DLG2: variants seen among roughly 807,000 people sequenced by gnomAD.
The protein encoded by DLG2 is disks large homolog 2.
DLG2 carries 45 observed loss-of-function variants against 132.5 expected under a neutral mutation model. The ratio of observed to expected loss-of-function variants is 0.34; its 90% CI spans 0.27 to 0.44. The LOEUF (loss-of-function observed/expected upper bound fraction) is 0.44. DLG2 is among the 20% of genes least tolerant of loss of function. The pLI, the probability that DLG2 is intolerant of heterozygous loss-of-function variation, is 1.00. For missense variants in DLG2, 1,045 were observed against 1,196.9 expected (o/e 0.87, Z 1.87); for synonymous variants, 424 against 419.6 (o/e 1.01, Z -0.13).
intron 24 of DLG2, among the ~76,000 whole-genome samples, chr11:83,470,396 T>G (rs1399898993): frequency 6.6e-6 from 1 of 152,196 alleles, no homozygotes; most frequent in Non-Finnish European, 1.5e-5. Flanking sequence ...TTTTGTATAC[T>G]TCTAATTTTC....
chr11:84,923,001 G>A, intron 6 of DLG2: 3 of 1,576,620 alleles, frequency 1.9e-6, no homozygotes, highest in Non-Finnish European at 2.6e-6. Context: ...AAGTCCTGAA[G>A]CTACACAAGG....
intron 6 of DLG2, among the ~76,000 whole-genome samples, chr11:84,910,625 G>T (rs547638173): frequency 8.9e-4 from 136 of 152,228 alleles, no homozygotes; most frequent in Non-Finnish European, 1.7e-3. Context: ...AAAAGATATA[G>T]AATTTGGCCA....
chr11:85,445,410 G>T (rs186969742), intron 3 of DLG2, among the ~76,000 whole-genome samples: 111 of 152,310 alleles, frequency 7.3e-4, no homozygotes, highest in African/African-American at 2.6e-3. Flanking sequence ...GGGCGCGGTG[G>T]CTCATGCCTG....
intron 26 of DLG2, among the ~76,000 whole-genome samples, 175 bp downstream of exon 26, chr11:83,466,531 TTA>T (rs2094097504): frequency 6.6e-6 from 1 of 152,112 alleles, no homozygotes; most frequent in Non-Finnish European, 1.5e-5. Context: ...ATCACTGACA[TTA>T]TGTTTCTAGT....
At chr11:83,958,540 T>G (rs2087550832) in intron 14 of DLG2, among the ~76,000 whole-genome samples, 1 of 152,196 alleles carries the variant, frequency 6.6e-6, no homozygotes, top group Non-Finnish European at 1.5e-5. Flanking sequence ...CATAATGCTA[T>G]TTATCACATT....
At chr11:85,170,971 C>T (rs1485199249) in intron 4 of DLG2, among the ~76,000 whole-genome samples, 1 of 151,502 alleles carries the variant, frequency 6.6e-6, no homozygotes, top group Non-Finnish European at 1.5e-5. Context: ...GAAAGCTCTT[C>T]CTTACAGGAA....
intron 6 of DLG2, among the ~76,000 whole-genome samples, chr11:84,584,750 G>A (rs1190153877): frequency 6.9e-6 from 1 of 145,474 alleles, no homozygotes; most frequent in Non-Finnish European, 1.5e-5. Flanking sequence ...GTGCAGTGGC[G>A]GGATCTGGGC....
At chr11:84,890,829 C>A (rs1237307919) in intron 6 of DLG2, 1 of 152,252 alleles carries the variant, frequency 6.6e-6, no homozygotes, top group Admixed American at 6.5e-5. Flanking sequence ...GCAGGCCAGT[C>A]TTCAGAGGCC....
intron 6 of DLG2, among the ~76,000 whole-genome samples, chr11:85,069,423 C>T (rs1277572509): frequency 3.9e-5 from 6 of 152,062 alleles, no homozygotes; most frequent in African/African-American, 1.4e-4. Context: ...GGCTAATATC[C>T]AGAATCTACC....
intron 6 of DLG2, among the ~76,000 whole-genome samples, chr11:84,829,470 T>C (rs910523468): frequency 4.6e-5 from 7 of 151,780 alleles, no homozygotes; most frequent in Non-Finnish European, 8.8e-5. Flanking sequence ...TAAACTGTGC[T>C]GACAAAAATG....
intron 19 of DLG2, among the ~76,000 whole-genome samples, chr11:83,587,502 C>T (rs114264599): frequency 0.017 from 2,564 of 152,240 alleles, 73 homozygotes; most frequent in African/African-American, 0.058. Context: ...AACTCCTGAG[C>T]TCAAACAATC....
At chr11:84,554,536 C>T (rs189537343) in intron 6 of DLG2, among the ~76,000 whole-genome samples, 382 of 152,178 alleles carry the variant, frequency 2.5e-3, no homozygotes, top group African/African-American at 8.4e-3. Context: ...CACCTGAGGT[C>T]GGGAGTTCAA....
intron 17 of DLG2, among the ~76,000 whole-genome samples, chr11:83,827,152 C>T (rs2053078279): frequency 6.6e-6 from 1 of 152,098 alleles, no homozygotes; most frequent in Admixed American, 6.5e-5. Context: ...ATGAGGACCA[C>T]TTCAGGAAAT....
At chr11:84,767,039 T>C (rs1297598050) in intron 6 of DLG2, among the ~76,000 whole-genome samples, 1 of 152,040 alleles carries the variant, frequency 6.6e-6, no homozygotes, top group Non-Finnish European at 1.5e-5. Context: ...TTGGATAACA[T>C]TGGGAAAGTC....
At chr11:84,593,163 G>A (rs1180780818) in intron 6 of DLG2, among the ~76,000 whole-genome samples, 3 of 151,554 alleles carry the variant, frequency 2.0e-5, no homozygotes, top group East Asian at 1.9e-4. Flanking sequence ...TGGAGAGGAT[G>A]TGGAGAAATA....
At chr11:84,286,914 TC>T (rs1274194368) in intron 7 of DLG2, among the ~76,000 whole-genome samples, 1 of 152,182 alleles carries the variant, frequency 6.6e-6, no homozygotes, top group Non-Finnish European at 1.5e-5. Flanking sequence ...GCGTACATGA[TC>T]TGGAGGTCAA....
intron 25 of DLG2, 74 bp downstream of exon 25, chr11:83,469,126 CA>C (rs11464149): frequency 0.13 from 123,229 of 938,360 alleles, 155 homozygotes; most frequent in South Asian, 0.18. Flanking sequence ...GAGTAATGAC[CA>C]AAAAAAAAAA....
chr11:85,464,223 C>T (rs1384723323), intron 3 of DLG2, among the ~76,000 whole-genome samples: 1 of 152,130 alleles, frequency 6.6e-6, no homozygotes. Flanking sequence ...TTTGTAATCA[C>T]CAGATGGATT....
chr11:83,547,610 C>A (rs35393309), intron 19 of DLG2, among the ~76,000 whole-genome samples: 30,191 of 152,002 alleles, frequency 0.2, 3,272 homozygotes, highest in African/African-American at 0.24. Flanking sequence ...AAAACAGGCA[C>A]CTTAGTCCTA....
Sources: gnomAD v4.1 joint callset for allele counts (sites outside exome capture counted in the v4.1 genomes callset) on GRCh38, gnomAD v4.1.1 for gene constraint, MANE v1.5 for transcripts, NCBI Gene and HGNC (gene_info 2026-07-23, HGNC 2026-07-21) for gene names.